STPG2: variants seen among roughly 807,000 people sequenced by gnomAD.
STPG2 encodes the protein sperm tail PG-rich repeat containing 2.
A neutral mutation model predicts 54.2 loss-of-function variants in STPG2; 56 were observed. That is an observed-to-expected ratio of 1.03 (90% CI 0.83 to 1.29). The LOEUF (loss-of-function observed/expected upper bound fraction) is 1.29, where lower values mean the gene tolerates loss of function less well. Ranked by LOEUF, STPG2 falls within the 50% of genes most tolerant of loss-of-function variation. The pLI, the probability that STPG2 is intolerant of heterozygous loss-of-function variation, is 0.00. For missense variants in STPG2, 596 were observed against 544.9 expected (o/e 1.09, Z -0.93); for synonymous variants, 200 against 181.8 (o/e 1.10, Z -0.81).
intron 5 of STPG2, among the ~76,000 whole-genome samples, chr4:98,094,203 G>A (rs1428782612): frequency 6.6e-6 from 1 of 152,134 alleles, no homozygotes; most frequent in Non-Finnish European, 1.5e-5. Flanking sequence ...ATAGAGTATT[G>A]AGCAGAGTTG....
chr4:97,602,010 C>T (rs1172994025), intron 10 of STPG2, among the ~76,000 whole-genome samples: 1 of 143,874 alleles, frequency 7.0e-6, no homozygotes, highest in Non-Finnish European at 1.5e-5. Flanking sequence ...TTGCTATTTA[C>T]ATAGTAGGTT....
At chr4:97,725,182 T>C (rs1327810484) in intron 9 of STPG2, among the ~76,000 whole-genome samples, 1 of 152,096 alleles carries the variant, frequency 6.6e-6, no homozygotes, top group African/African-American at 2.4e-5. Flanking sequence ...AGTCCACTAA[T>C]AAATTCATCT....
At chr4:97,578,098 CTTTCTT>C (rs1372885188) in intron 10 of STPG2, among the ~76,000 whole-genome samples, 4 of 120,530 alleles carry the variant, frequency 3.3e-5, no homozygotes, top group Non-Finnish European at 4.8e-5. Context: ...TCCTTTCTTT[CTTTCTT>C]TTTTTTTTTT....
chr4:97,524,811 G>C (rs1578361493), intron 4 of STPG2, among the ~76,000 whole-genome samples: 1 of 151,942 alleles, frequency 6.6e-6, no homozygotes. Context: ...AATATTCTGA[G>C]AATGATTCTT....
chr4:97,888,877 G>T (rs544575789), intron 8 of STPG2, among the ~76,000 whole-genome samples: 3 of 152,122 alleles, frequency 2.0e-5, no homozygotes, highest in Admixed American at 1.3e-4. Context: ...TCCCATTTTG[G>T]TACTATTCTG....
At chr4:97,871,528 G>C (rs1240934912) in intron 8 of STPG2, among the ~76,000 whole-genome samples, 1 of 150,930 alleles carries the variant, frequency 6.6e-6, no homozygotes, top group Admixed American at 6.6e-5. Flanking sequence ...TTCAGACCTT[G>C]ATTTAAATAA....
rs560036993 is a variant in STPG2, at chr4:98,109,866, G to T, written c.388-561C>A. On this transcript the variant is annotated intron_variant, in intron 3 of 10. Coordinates refer to ENST00000295268, the MANE Select transcript of STPG2 (RefSeq NM_174952.3). Reference sequence around the variant, plus strand: ...TCTTTTAATGACAGAGAAATTATTTGTGACATGAGAAATAATCATCTTTCC... The same window carrying T: ...TCTTTTAATGACAGAGAAATTATTTTTGACATGAGAAATAATCATCTTTCC... Among the ~76,000 whole-genome samples, 262 of 152,154 alleles carry T rather than the reference G, an allele frequency of 1.7e-3. 2 individuals are homozygous for T. The highest frequency in any genetic ancestry group is 5.9e-3 in the African/African-American group (244 of 41,532).
intron 10 of STPG2, among the ~76,000 whole-genome samples, chr4:97,619,526 T>TG (rs1399517615): frequency 3.3e-4 from 49 of 149,430 alleles, no homozygotes; most frequent in Non-Finnish European, 3.6e-4. Context: ...ATTCCAGTGT[T>TG]TTTTTTTTTT....
intron 3 of STPG2, among the ~76,000 whole-genome samples, chr4:98,115,198 A>G (rs886721265): frequency 6.6e-6 from 1 of 151,980 alleles, no homozygotes; most frequent in East Asian, 1.9e-4. Context: ...TAAATATGGA[A>G]ATAGAATTTG....
intron 7 of STPG2, among the ~76,000 whole-genome samples, chr4:97,956,872 G>A (rs1180570819): frequency 4.6e-5 from 7 of 152,026 alleles, no homozygotes; most frequent in Admixed American, 4.6e-4. Flanking sequence ...CTACCCAAAT[G>A]AGAAGGAACC....
intron 10 of STPG2, among the ~76,000 whole-genome samples, chr4:97,681,040 T>C (rs1723017095): frequency 6.6e-6 from 1 of 152,016 alleles, no homozygotes; most frequent in Admixed American, 6.6e-5. Flanking sequence ...CACATATTTG[T>C]ATTACTTATT....
intron 5 of STPG2, among the ~76,000 whole-genome samples, chr4:98,005,904 CCT>C (rs1735563923): frequency 6.6e-6 from 1 of 152,002 alleles, no homozygotes; most frequent in Non-Finnish European, 1.5e-5. Context: ...AAAATGGTTC[CCT>C]CTTTTTCCAT....
chr4:98,013,348 C>T (rs771305752), intron 5 of STPG2, among the ~76,000 whole-genome samples: 5 of 152,130 alleles, frequency 3.3e-5, no homozygotes, highest in Non-Finnish European at 7.3e-5. Flanking sequence ...ATTCAGTTTG[C>T]CAGCATTTTA....
chr4:97,980,472 T>A (rs905841482), intron 6 of STPG2, among the ~76,000 whole-genome samples: 1 of 152,048 alleles, frequency 6.6e-6, no homozygotes, highest in African/African-American at 2.4e-5. Flanking sequence ...TGTGGCTGGG[T>A]CATAAAAAAT....
At chr4:98,014,895 AT>A (rs779688356) in intron 5 of STPG2, among the ~76,000 whole-genome samples, 186 of 151,818 alleles carry the variant, frequency 1.2e-3, no homozygotes, top group South Asian at 2.1e-3. Flanking sequence ...CTTCGTTGAC[AT>A]TTTTTTTCTT....
chr4:97,801,909 T>A (rs1727413049), intron 9 of STPG2, among the ~76,000 whole-genome samples: 1 of 152,206 alleles, frequency 6.6e-6, no homozygotes, highest in South Asian at 2.1e-4. Flanking sequence ...GGAATTACAA[T>A]GTAACGTTAA....
chr4:97,795,704 G>C (rs574137976), intron 9 of STPG2, among the ~76,000 whole-genome samples: 2 of 152,178 alleles, frequency 1.3e-5, no homozygotes, highest in East Asian at 3.9e-4. Context: ...TAATCCTTTG[G>C]GTATATACCC....
At chr4:97,940,165 G>T (rs181202875) in intron 8 of STPG2, among the ~76,000 whole-genome samples, 1 of 151,844 alleles carries the variant, frequency 6.6e-6, no homozygotes, top group South Asian at 2.1e-4. Context: ...GCTGAGAGTC[G>T]GCTGTTAGCC....
chr4:97,450,374 A>G (rs1427858304), intron 4 of STPG2, among the ~76,000 whole-genome samples: 1 of 152,190 alleles, frequency 6.6e-6, no homozygotes, highest in African/African-American at 2.4e-5. Flanking sequence ...ACATAATCCC[A>G]GGTCTCACAA....
Sources: gnomAD v4.1 joint callset for allele counts (sites outside exome capture counted in the v4.1 genomes callset) on GRCh38, gnomAD v4.1.1 for gene constraint, MANE v1.5 for transcripts, NCBI Gene and HGNC (gene_info 2026-07-23, HGNC 2026-07-21) for gene names.